PCDHGA6: variants seen among roughly 807,000 people sequenced by gnomAD.
PCDHGA6 encodes protocadherin gamma-A6.
Under a neutral mutation model 60.6 loss-of-function variants are expected in PCDHGA6, and 41 were observed. That is an observed-to-expected ratio of 0.68 (90% CI 0.53 to 0.88). PCDHGA6 has a LOEUF of 0.88. PCDHGA6 is among the 40% of genes least tolerant of loss of function. PCDHGA6 has a pLI of 0.00. For missense variants in PCDHGA6, 1,312 were observed against 1,203.0 expected (o/e 1.09, Z -1.34); for synonymous variants, 594 against 524.4 (o/e 1.13, Z -1.81).
intron 1 of PCDHGA6, chr5:141,399,103 C>CA (rs755732381): frequency 6.2e-7 from 1 of 1,613,604 alleles, no homozygotes; most frequent in African/African-American, 1.3e-5. Context: ...ACTGGTTGCA[C>CA]AATGTACAGT....
intron 1 of PCDHGA6, among the ~76,000 whole-genome samples, chr5:141,452,664 T>C (rs557662640): frequency 6.6e-6 from 1 of 151,058 alleles, no homozygotes; most frequent in South Asian, 2.1e-4. Context: ...TCCACTGCAC[T>C]CCAGCCTAGG....
At chr5:141,455,244 T>A (rs977940552) in intron 1 of PCDHGA6, among the ~76,000 whole-genome samples, 4 of 152,142 alleles carry the variant, frequency 2.6e-5, no homozygotes, top group Non-Finnish European at 4.4e-5. Flanking sequence ...TTAAAGGTCA[T>A]AGTACAATCG....
chr5:141,505,509 G>A (rs778054090), intron 3 of PCDHGA6, 28 bp downstream of exon 3: 1 of 1,613,940 alleles, frequency 6.2e-7, no homozygotes, highest in Non-Finnish European at 8.5e-7. Context: ...GTGTATGGAA[G>A]AGTGGGAGAC....
At chr5:141,415,396 G>C (rs11575962) in intron 1 of PCDHGA6, 2 of 1,614,204 alleles carry the variant, frequency 1.2e-6, no homozygotes, top group Non-Finnish European at 1.7e-6. Flanking sequence ...AGGTGTGTCC[G>C]GCTCGCACTT....
Position 141,491,197 on chromosome 5 carries a change from G to A in PCDHGA6, c.2425-3610G>A. Reference sequence around the variant, plus strand: ...GGTGGTCCTGGTGAGGGACAATGGTGACCCTTCACTCTCCTCCACAGCCAC... The same window carrying A: ...GGTGGTCCTGGTGAGGGACAATGGTAACCCTTCACTCTCCTCCACAGCCAC... On this transcript the variant is annotated intron_variant, in intron 1 of 3. Coordinates refer to ENST00000517434, the MANE Select transcript of PCDHGA6 (RefSeq NM_018919.3). The surrounding 1 kb of genome is among the most constrained non-coding windows in gnomAD (Gnocchi z 6.9). 6.2e-7 allele frequency: 1 copy of A among 1,614,190 alleles called. No individual in the cohort carries two copies. The highest frequency in any genetic ancestry group is 8.5e-7 in the Non-Finnish European group (1 of 1,180,024).
intron 1 of PCDHGA6, chr5:141,428,285 C>G (rs765814584): frequency 1.1e-5 from 8 of 734,934 alleles, no homozygotes; most frequent in Non-Finnish European, 1.7e-5. Context: ...GATTCCCAAG[C>G]AAAGCTGCAG....
intron 1 of PCDHGA6, among the ~76,000 whole-genome samples, chr5:141,480,274 G>A (rs111260319): frequency 6.6e-6 from 1 of 152,036 alleles, no homozygotes; most frequent in Non-Finnish European, 1.5e-5. Context: ...CATTAGCTGG[G>A]TGTGTTGGCA....
At position 141,490,524 on chromosome 5, in the gene PCDHGA6, T is replaced by C. The variant is rs1197866164; in HGVS notation, c.2425-4283T>C. The C allele has an allele frequency of 1.2e-6, 2 of 1,613,990 alleles. No homozygotes were observed. Among genetic ancestry groups the C allele is most frequent in the Non-Finnish European group, 1.7e-6 (2 of 1,180,018 alleles). On this transcript the variant is annotated intron_variant, in intron 1 of 3. Transcript: ENST00000517434. The surrounding 1 kb of genome is among the most constrained non-coding windows in gnomAD (Gnocchi z 5.4). ...ATATCATCGAGCTGCTGGCCAGCGA[T>C]GCTGGTTCACCTTCCCTACACAAAC...
At position 141,431,427 on chromosome 5, in the gene PCDHGA6, C is replaced by G. The variant is rs1269666597; in HGVS notation, c.2424+54920C>G. The stretch of plus-strand genomic sequence containing the variant: ...TCCGACGGGGGCGACCCGGTGCGCA[C>G]AGGCACCGCGCGCATCCGCGTGATG... On this transcript the variant is annotated intron_variant, in intron 1 of 3. Transcript: ENST00000517434. The surrounding 1 kb of genome is among the most constrained non-coding windows in gnomAD (Gnocchi z 4.8). 1.2e-6 allele frequency: 2 copies of G among 1,613,584 alleles called. No homozygotes were observed.
intron 1 of PCDHGA6, chr5:141,387,798 G>T: frequency 6.6e-7 from 1 of 1,505,108 alleles, no homozygotes; most frequent in Non-Finnish European, 8.9e-7. Context: ...ACTAAAGTCC[G>T]TTCGGAGATC....
intron 1 of PCDHGA6, chr5:141,409,394 T>C: frequency 1.9e-6 from 3 of 1,614,008 alleles, no homozygotes; most frequent in Non-Finnish European, 2.5e-6. Flanking sequence ...TTATTCTTCT[T>C]CCAATAACTA....
At chr5:141,389,147 G>C (rs530113846) in intron 1 of PCDHGA6, 120 of 1,613,986 alleles carry the variant, frequency 7.4e-5, no homozygotes, top group Admixed American at 4.8e-4. Flanking sequence ...TAACCGTTAC[G>C]GCAACAGATC....
At position 141,432,993 on chromosome 5, in the gene PCDHGA6, G is replaced by C. The variant is rs749499789; in HGVS notation, c.2424+56486G>C. 7 of 1,614,208 alleles carry C rather than the reference G, an allele frequency of 4.3e-6. No homozygotes were observed. In the South Asian group the frequency reaches 7.7e-5, roughly 18 times the overall value. On this transcript the variant is annotated intron_variant, in intron 1 of 3. Transcript: ENST00000517434. This position sits in a 1 kb window ranked among gnomAD's most constrained non-coding sequence, Gnocchi z 6.0. ...GCGTCGCACTTTGTGGGCGTGGACG[G>C]GGTGCAGGCTTTCCTGCAGACCTAT...
intron 1 of PCDHGA6, chr5:141,399,894 C>T (rs201911174): frequency 1.9e-6 from 3 of 1,612,570 alleles, no homozygotes; most frequent in Non-Finnish European, 2.5e-6. Context: ...AGGTAGTGGC[C>T]GTGGACGCAG....
chr5:141,383,044 G>A, intron 1 of PCDHGA6: 2 of 1,613,876 alleles, frequency 1.2e-6, no homozygotes, highest in Non-Finnish European at 1.7e-6. Flanking sequence ...GGGAGACATC[G>A]CCAAGGACCT....
At chr5:141,466,827 T>C (rs1414741980) in intron 1 of PCDHGA6, among the ~76,000 whole-genome samples, 1 of 152,194 alleles carries the variant, frequency 6.6e-6, no homozygotes, top group Admixed American at 6.5e-5. Context: ...AACAAGTTAG[T>C]ATGGGTTTAT....
Position 141,491,262 on chromosome 5 carries a change from G to A in PCDHGA6, c.2425-3545G>A. ...TGGAGGATGAGGACCCTGAGGAAATGCCCAAATCCAGTGACTTCCTCATAC... is the reference window on the plus strand; with the variant it reads ...TGGAGGATGAGGACCCTGAGGAAATACCCAAATCCAGTGACTTCCTCATAC... On this transcript the variant is annotated intron_variant, in intron 1 of 3. Transcript: ENST00000517434. The surrounding 1 kb of genome is among the most constrained non-coding windows in gnomAD (Gnocchi z 6.9). 2 of 1,614,122 alleles carry A rather than the reference G, an allele frequency of 1.2e-6. No individual in the cohort carries two copies. Among genetic ancestry groups the A allele is most frequent in the Non-Finnish European group, 1.7e-6 (2 of 1,179,952 alleles).
At chr5:141,435,314 G>T (rs1490871069) in intron 1 of PCDHGA6, among the ~76,000 whole-genome samples, 6 of 152,006 alleles carry the variant, frequency 3.9e-5, no homozygotes, top group African/African-American at 9.7e-5. Flanking sequence ...AATCATTCAT[G>T]AACTTCCAAA....
At chr5:141,441,386 G>A (rs2098243752) in intron 1 of PCDHGA6, 1 of 153,358 alleles carries the variant, frequency 6.5e-6, no homozygotes, top group African/African-American at 2.4e-5. Flanking sequence ...ACAGACCCAA[G>A]GTATAACATC....
Sources: allele counts gnomAD v4.1 joint callset (sites outside exome capture counted in the v4.1 genomes callset), GRCh38; gene constraint gnomAD v4.1.1; non-coding constraint Gnocchi (gnomAD v3.1); transcripts MANE v1.5; gene names NCBI Gene and HGNC (gene_info 2026-07-23, HGNC 2026-07-21).